Variants in KIF16B observed in about 807,000 individuals in gnomAD.
KIF16B encodes kinesin-like protein KIF16B.
Under a neutral mutation model 156.3 loss-of-function variants are expected in KIF16B, and 98 were observed. That is an observed-to-expected ratio of 0.63 (90% CI 0.53 to 0.74). The LOEUF (loss-of-function observed/expected upper bound fraction) is 0.74. KIF16B is among the 30% of genes least tolerant of loss of function. KIF16B has a pLI of 0.00. For synonymous variants in KIF16B, 564 were observed against 583.7 expected (o/e 0.97, Z 0.49); for missense variants, 1,421 against 1,606.5 (o/e 0.88, Z 1.97).
intron 12 of KIF16B, among the ~76,000 whole-genome samples, chr20:16,453,407 A>G (rs2067136510): frequency 6.6e-6 from 1 of 152,166 alleles, no homozygotes; most frequent in African/African-American, 2.4e-5. Context: ...TATAAAAACT[A>G]ATCTGAACAT....
chr20:16,544,765 G>T (rs1474425777), intron 1 of KIF16B, among the ~76,000 whole-genome samples: 1 of 152,068 alleles, frequency 6.6e-6, no homozygotes, highest in Non-Finnish European at 1.5e-5. Flanking sequence ...TTCCCCACCA[G>T]TGTACATGCT....
intron 12 of KIF16B, among the ~76,000 whole-genome samples, chr20:16,438,411 T>C (rs2066706091): frequency 6.6e-6 from 1 of 152,178 alleles, no homozygotes; most frequent in South Asian, 2.1e-4. Flanking sequence ...TATTATTAGT[T>C]ATTGTTCATC....
At chr20:16,486,588 T>C (rs1036971349) in intron 12 of KIF16B, among the ~76,000 whole-genome samples, 2 of 152,178 alleles carry the variant, frequency 1.3e-5, no homozygotes, top group Admixed American at 1.3e-4. Context: ...AGCTGAACTA[T>C]ACGGACTCGA....
intron 1 of KIF16B, among the ~76,000 whole-genome samples, chr20:16,538,850 T>A (rs2070082636): frequency 6.6e-6 from 1 of 152,136 alleles, no homozygotes; most frequent in South Asian, 2.1e-4. Flanking sequence ...ATCCTGTTGG[T>A]GTTGTCCTTG....
rs1321067707 is a variant in KIF16B at position 16,506,085 on chromosome 20, G to T, written c.805C>A (p.Leu269Ile). Residue 269 changes from leucine (L) to isoleucine (I), a missense_variant, in exon 8 of 26, where the codon CTA becomes ATA. Coordinates refer to ENST00000354981, the MANE Select transcript of KIF16B (RefSeq NM_024704.5). ...ADATGATGVR[L>I]KEGGNINKSL... ...TTGTTAATATTTCCCCCTTCCTTTA[G>T]CCTAACCCCGGTGGCTCCGGTGGCA... The T allele has an allele frequency of 4.6e-5, 74 of 1,613,944 alleles. No homozygotes were observed. The highest frequency in any genetic ancestry group is 5.9e-5 in the Non-Finnish European group (70 of 1,179,998).
chr20:16,521,018 C>T (rs993842215), intron 3 of KIF16B, among the ~76,000 whole-genome samples: 2 of 150,880 alleles, frequency 1.3e-5, no homozygotes, highest in Non-Finnish European at 3.0e-5. Context: ...CAAAGGTCAC[C>T]AACATCAAAG....
rs116968927 is a variant in KIF16B at position 16,557,986 on chromosome 20, A to G, written c.47+15243T>C. Among the ~76,000 whole-genome samples the G allele has an allele frequency of 8.6e-3, 1,315 of 152,322 alleles. 12 individuals carry two copies. Among genetic ancestry groups the G allele is most frequent in the Non-Finnish European group, 0.012 (847 of 68,038 alleles). ...AAGTAAGGAAAATACCTAAGAGGCC[A>G]AATTTTGATAAGTGCTGTAAACGAG... is the stretch of plus-strand genomic sequence containing the variant. On this transcript the variant is annotated intron_variant, in intron 1 of 25. Coordinates refer to ENST00000354981, the MANE Select transcript of KIF16B (RefSeq NM_024704.5).
intron 3 of KIF16B, among the ~76,000 whole-genome samples, chr20:16,518,034 G>T (rs1049268661): frequency 5.3e-5 from 8 of 152,082 alleles, no homozygotes; most frequent in African/African-American, 1.9e-4. Context: ...TAACCCAGGC[G>T]GTTTTCCGGT....
At chr20:16,415,280 T>C (rs2066059515) in intron 15 of KIF16B, among the ~76,000 whole-genome samples, 1 of 152,140 alleles carries the variant, frequency 6.6e-6, no homozygotes, top group South Asian at 2.1e-4. Context: ...GTCCACATTC[T>C]TTGCTACCAA....
intron 17 of KIF16B, among the ~76,000 whole-genome samples, chr20:16,402,943 T>C (rs1337376408): frequency 2.0e-5 from 3 of 152,182 alleles, no homozygotes; most frequent in Non-Finnish European, 4.4e-5. Flanking sequence ...TCTCCTGTTT[T>C]AGGGAGAAAA....
At chr20:16,540,029 A>G (rs1357041092) in intron 1 of KIF16B, among the ~76,000 whole-genome samples, 1 of 152,232 alleles carries the variant, frequency 6.6e-6, no homozygotes, top group Non-Finnish European at 1.5e-5. Context: ...TTTTAGTGGC[A>G]AGACACTTGA....
chr20:16,428,210 T>A (rs1411967763), intron 14 of KIF16B, among the ~76,000 whole-genome samples: 1 of 152,208 alleles, frequency 6.6e-6, no homozygotes, highest in Non-Finnish European at 1.5e-5. Flanking sequence ...GTTTTTGCCA[T>A]TACTGTTGCA....
At chr20:16,364,759 G>A (rs532786480) in intron 22 of KIF16B, among the ~76,000 whole-genome samples, 30 of 152,324 alleles carry the variant, frequency 2.0e-4, no homozygotes, top group African/African-American at 6.0e-4. Flanking sequence ...GAATCTGAAT[G>A]CTGCAAGCTG....
intron 24 of KIF16B, among the ~76,000 whole-genome samples, chr20:16,324,206 T>C (rs1194874588): frequency 2.6e-5 from 4 of 152,018 alleles, no homozygotes; most frequent in Non-Finnish European, 5.9e-5. Context: ...GGAGACTTGC[T>C]ATGTAACAGA....
At chr20:16,484,978 C>T (rs1489356739) in intron 12 of KIF16B, among the ~76,000 whole-genome samples, 2 of 152,168 alleles carry the variant, frequency 1.3e-5, no homozygotes, top group African/African-American at 4.8e-5. Flanking sequence ...GTACTCATTC[C>T]TTTGGGTATT....
chr20:16,406,314 C>T (rs2065783727), intron 16 of KIF16B, 60 bp downstream of exon 16: 2 of 1,398,194 alleles, frequency 1.4e-6, no homozygotes, highest in African/African-American at 2.8e-5. Context: ...AGAGTGACCA[C>T]CACCCACTCA....
intron 12 of KIF16B, among the ~76,000 whole-genome samples, chr20:16,443,084 G>C (rs1275090679): frequency 6.6e-6 from 1 of 152,132 alleles, no homozygotes; most frequent in Non-Finnish European, 1.5e-5. Context: ...ATGATCAATG[G>C]AAATGTTCAC....
chr20:16,522,264 T>A (rs150588365), intron 3 of KIF16B, among the ~76,000 whole-genome samples: 1,576 of 152,196 alleles, frequency 0.01, 31 homozygotes, highest in African/African-American at 0.036. Flanking sequence ...GTGTGCTGTA[T>A]TCAGGAGACC....
chr20:16,312,334 C>T lies in KIF16B; in HGVS notation c.3795+1G>A. 1.9e-6 allele frequency: 3 copies of T among 1,609,896 alleles called. No individual in the cohort carries two copies. The highest frequency in any genetic ancestry group is 2.5e-6 in the Non-Finnish European group (3 of 1,176,596). On this transcript the variant is annotated splice_donor_variant, in intron 25 of 25. Coordinates refer to ENST00000354981, the MANE Select transcript of KIF16B (RefSeq NM_024704.5). LOFTEE classifies it high-confidence loss of function. Reference sequence around the variant, plus strand: ...GAGGAAAAACAGCTTAATTCTGTTACCTCTAAGTGACTTCGTCTCTCAGCA... The same window carrying T: ...GAGGAAAAACAGCTTAATTCTGTTATCTCTAAGTGACTTCGTCTCTCAGCA...
Sources: gnomAD v4.1 joint callset for allele counts (sites outside exome capture counted in the v4.1 genomes callset) on GRCh38, gnomAD v4.1.1 for gene constraint, MANE v1.5 for transcripts, NCBI Gene and HGNC (gene_info 2026-07-23, HGNC 2026-07-21) for gene names.